Variants in SCN8A observed in about 807,000 individuals in gnomAD.
SCN8A encodes sodium voltage-gated channel alpha subunit 8, also known as sodium channel protein type 8 subunit alpha.
Under a neutral mutation model 184.1 loss-of-function variants are expected in SCN8A, and 30 were observed. That is an observed-to-expected ratio of 0.16 (90% CI 0.12 to 0.22). SCN8A has a LOEUF of 0.22. SCN8A is among the 10% of genes least tolerant of loss of function. The pLI, the probability that SCN8A is intolerant of heterozygous loss-of-function variation, is 1.00. For synonymous variants in SCN8A, 852 were observed against 907.0 expected (o/e 0.94, Z 1.09); for missense variants, 1,057 against 2,498.9 (o/e 0.42, Z 12.30).
chr12:51,783,637 G>T (rs539721714), intron 21 of SCN8A, among the ~76,000 whole-genome samples: 1 of 152,130 alleles, frequency 6.6e-6, no homozygotes, highest in Non-Finnish European at 1.5e-5. Flanking sequence ...TAAAGATTTC[G>T]CTGTGCTGTT....
intron 11 of SCN8A, among the ~76,000 whole-genome samples, chr12:51,718,170 C>T (rs1242830194): frequency 6.6e-6 from 1 of 152,172 alleles, no homozygotes; most frequent in Admixed American, 6.5e-5. Flanking sequence ...CCCCATAGCC[C>T]TTCCAGTGTT....
chr12:51,799,200 T>A (rs1023466136), intron 26 of SCN8A, among the ~76,000 whole-genome samples: 2 of 152,168 alleles, frequency 1.3e-5, no homozygotes, highest in Non-Finnish European at 2.9e-5. Flanking sequence ...GTGGCAGCAG[T>A]GGGGACCATG....
chr12:51,673,032 C>G (rs548819415), intron 2 of SCN8A, among the ~76,000 whole-genome samples: 1 of 152,066 alleles, frequency 6.6e-6, no homozygotes, highest in Non-Finnish European at 1.5e-5. Context: ...GGTTTTGTTT[C>G]CTATCATTTT....
At chr12:51,801,538 CA>C (rs370935056) in intron 26 of SCN8A, among the ~76,000 whole-genome samples, 7 of 152,318 alleles carry the variant, frequency 4.6e-5, no homozygotes, top group Non-Finnish European at 7.3e-5. Flanking sequence ...CCAGCTTACT[CA>C]CAGTGGGCCA....
chr12:51,769,056 G>A lies in SCN8A; in HGVS notation c.3093G>A (p.Val1031=), dbSNP rs773120197. The A allele has an allele frequency of 6.2e-7, 1 of 1,613,998 alleles. No homozygotes were observed. The highest frequency in any genetic ancestry group is 8.5e-7 in the Non-Finnish European group (1 of 1,179,874). The part of the protein sequence containing the change: ...AHFKQREADE[V]KPLDELYEKK... ...TTAAGCAGCGTGAGGCTGATGAGGT[G>A]AAGCCTCTGGATGAGTTGTATGAAA... is the stretch of plus-strand genomic sequence containing the variant. Residue 1031 remains valine, a synonymous_variant, in exon 17 of 27, where the codon GTG becomes GTA. Coordinates refer to ENST00000627620, the MANE Select transcript of SCN8A (RefSeq NM_001330260.2).
chr12:51,805,834 C>CTT (rs33939467), intron 26 of SCN8A, among the ~76,000 whole-genome samples: 53,579 of 150,234 alleles, frequency 0.36, 10,073 homozygotes, highest in East Asian at 0.49. Flanking sequence ...TAAAATGTTA[C>CTT]TTTTTTTTTT....
intron 11 of SCN8A, among the ~76,000 whole-genome samples, chr12:51,715,031 G>T (rs1377225682): frequency 6.6e-5 from 10 of 152,136 alleles, no homozygotes; most frequent in Admixed American, 2.0e-4. Context: ...GGAAAATTGA[G>T]ATTGAGGAAG....
At chr12:51,691,014 C>T (rs1211584095) in intron 6 of SCN8A, among the ~76,000 whole-genome samples, 2 of 152,184 alleles carry the variant, frequency 1.3e-5, no homozygotes, top group African/African-American at 2.4e-5. Context: ...GCTCATTCTC[C>T]AGACAGCCTC....
At chr12:51,705,929 C>T (rs984033358) in intron 10 of SCN8A, among the ~76,000 whole-genome samples, 21 of 152,232 alleles carry the variant, frequency 1.4e-4, no homozygotes, top group African/African-American at 4.8e-4. Flanking sequence ...TAAGCATATT[C>T]TTTTTCTTGG....
At chr12:51,716,510 CA>C (rs1223561967) in intron 11 of SCN8A, among the ~76,000 whole-genome samples, 31 of 152,196 alleles carry the variant, frequency 2.0e-4, no homozygotes, top group African/African-American at 6.7e-4. Flanking sequence ...GCACTGGAAA[CA>C]GAGGAAATAA....
rs774163610 is a variant in SCN8A at position 51,770,547 on chromosome 12, A to G, written c.3509A>G (p.Lys1170Arg). ...GTGCCAGGTTGTGTCCAGCGGTTCA[A>G]GTGCTGCCAGGTCAACATCGAGGAA... ...CFTEGCVQRF[K>R]CCQVNIEEGL... is the part of the protein sequence containing the mutation. Residue 1170 changes from lysine to arginine, a missense_variant, in exon 19 of 27, where the codon AAG becomes AGG. Physicochemically the swap from Lys to Arg is conservative, Grantham distance 26. This residue lies in a region of SCN8A where 178 missense variants were observed against 259.6 expected (regional missense o/e 0.69). Coordinates refer to ENST00000627620, the MANE Select transcript of SCN8A (RefSeq NM_001330260.2). 5.0e-6 allele frequency: 8 copies of G among 1,609,638 alleles called. No homozygotes were observed. The highest frequency in any genetic ancestry group is 6.8e-6 in the Non-Finnish European group (8 of 1,177,800).
At chr12:51,774,936 A>G (rs1460432696) in intron 20 of SCN8A, among the ~76,000 whole-genome samples, 1 of 152,180 alleles carries the variant, frequency 6.6e-6, no homozygotes, top group Non-Finnish European at 1.5e-5. Flanking sequence ...AGTGATCATG[A>G]AACTTGAGAA....
At chr12:51,663,172 C>A in intron 2 of SCN8A, 79 bp downstream of exon 2, 1 of 1,510,908 alleles carries the variant, frequency 6.6e-7, no homozygotes, top group Non-Finnish European at 9.0e-7. Flanking sequence ...AGAACTGTGT[C>A]TCTTTGCCAA....
chr12:51,620,381 G>T (rs1157453812), intron 1 of SCN8A, among the ~76,000 whole-genome samples: 1 of 152,108 alleles, frequency 6.6e-6, no homozygotes, highest in Non-Finnish European at 1.5e-5. Flanking sequence ...CTATTTTTAA[G>T]TGAATAATGT....
At chr12:51,645,133 CT>C in intron 1 of SCN8A, among the ~76,000 whole-genome samples, 1 of 150,582 alleles carries the variant, frequency 6.6e-6, no homozygotes, top group East Asian at 2.0e-4. Context: ...AGGGGCGCCT[CT>C]GCCCGGCCGC....
chr12:51,803,067 ACAG>A (rs1938599576), intron 26 of SCN8A, among the ~76,000 whole-genome samples: 1 of 152,224 alleles, frequency 6.6e-6, no homozygotes, highest in African/African-American at 2.4e-5. Context: ...GTGAAGTCCC[ACAG>A]CAGGCCATCT....
intron 1 of SCN8A, among the ~76,000 whole-genome samples, chr12:51,592,278 C>A (rs1023962468): frequency 2.0e-5 from 3 of 151,812 alleles, no homozygotes; most frequent in African/African-American, 7.3e-5. Flanking sequence ...GCTCCATCCC[C>A]TCCATTGCCA....
chr12:51,653,515 T>G (rs988669896), intron 1 of SCN8A, among the ~76,000 whole-genome samples: 1 of 152,240 alleles, frequency 6.6e-6, no homozygotes, highest in Non-Finnish European at 1.5e-5. Flanking sequence ...TCTTGCCTTT[T>G]TAAGCTACAT....
chr12:51,673,974 C>T (rs1339675344), intron 2 of SCN8A, among the ~76,000 whole-genome samples: 1 of 152,044 alleles, frequency 6.6e-6, no homozygotes, highest in Non-Finnish European at 1.5e-5. Context: ...ATTCACCTGT[C>T]AGAGAAGAGA....
Sources: allele counts gnomAD v4.1 joint callset (sites outside exome capture counted in the v4.1 genomes callset), GRCh38; gene constraint gnomAD v4.1.1; regional missense constraint gnomAD v4.1.1; transcripts MANE v1.5; gene names NCBI Gene and HGNC (gene_info 2026-07-23, HGNC 2026-07-21).